Variants in AKAP14 observed in about 807,000 individuals in gnomAD.
The protein encoded by AKAP14 is A-kinase anchor protein 14.
AKAP14 carries 4 observed loss-of-function variants against 17.0 expected under a neutral mutation model. The ratio of observed to expected loss-of-function variants is 0.23; its 90% CI spans 0.12 to 0.54. AKAP14 has a LOEUF of 0.54. Ranked by LOEUF, AKAP14 falls within the 20% of genes least tolerant of loss-of-function variation. AKAP14 has a pLI of 0.95. For missense variants in AKAP14, 129 were observed against 150.9 expected, an observed-to-expected ratio of 0.85 and a Z score of 0.76; for synonymous variants, 42 against 51.3, an observed-to-expected ratio of 0.82 and a Z score of 0.77.
At chrX:119,909,772 C>T (rs1419575824) in intron 4 of AKAP14, among the ~76,000 whole-genome samples, 1 of 108,322 alleles carries the variant, frequency 9.2e-6, no homozygotes. Flanking sequence ...GTAATCCCAG[C>T]TACTCAGGAG....
rs112925332 is a variant in AKAP14, at chrX:119,898,746, G to A, written c.-11+2479G>A. On this transcript the variant is annotated intron_variant, in intron 2 of 6. Coordinates refer to ENST00000371431, the MANE Select transcript of AKAP14 (RefSeq NM_178813.6). Reference sequence around the variant, plus strand: ...CAGGAGGCAGAGGTTGCAGTGAGCCGAGATTTCGCCATTGCACTCCGGCCT... The same window carrying A: ...CAGGAGGCAGAGGTTGCAGTGAGCCAAGATTTCGCCATTGCACTCCGGCCT... 8.4e-3 allele frequency among the ~76,000 whole-genome samples: 896 copies of A among 107,226 alleles called. 11 individuals are homozygous for A. Among genetic ancestry groups the A allele is most frequent in the African/African-American group, 0.028 (828 of 29,178 alleles). The allele number at this position is 107,226 out of a possible 115,157, so 93.1% of individuals were successfully genotyped here.
chrX:119,911,286 G>A (rs1186164374), intron 4 of AKAP14, among the ~76,000 whole-genome samples: 1 of 107,498 alleles, frequency 9.3e-6, no homozygotes, highest in African/African-American at 3.4e-5. Flanking sequence ...CTTGGAAGGC[G>A]AAGGTTGCAG....
chrX:119,917,138 A>T (rs956733545), intron 5 of AKAP14, among the ~76,000 whole-genome samples: 5 of 107,961 alleles, frequency 4.6e-5, no homozygotes, highest in South Asian at 4.0e-4. Flanking sequence ...TAATAAAAAT[A>T]AAAATTAAAA....
chrX:119,916,044 CT>C (rs1328619153), intron 5 of AKAP14, among the ~76,000 whole-genome samples: 2 of 110,815 alleles, frequency 1.8e-5, no homozygotes, highest in African/African-American at 6.5e-5. Context: ...TCTTGAACTC[CT>C]GGCCTCAGGC....
intron 4 of AKAP14, among the ~76,000 whole-genome samples, chrX:119,904,994 G>C (rs1273513156): frequency 1.8e-5 from 2 of 110,732 alleles, no homozygotes; most frequent in Non-Finnish European, 3.8e-5. Context: ...CGAGGCTGCA[G>C]TAAGCTGTGA....
At chrX:119,912,315 G>A in intron 4 of AKAP14, among the ~76,000 whole-genome samples, 1 of 111,144 alleles carries the variant, frequency 9.0e-6, no homozygotes, top group East Asian at 2.8e-4. Flanking sequence ...TGTGGGTGGG[G>A]GATTGGAGAA....
Position 119,903,200 on chromosome X carries a change from C to T in AKAP14, c.-10-14C>T, listed in dbSNP as rs751083885. On this transcript the variant is annotated splice_polypyrimidine_tract_variant and intron_variant, in intron 2 of 6. Coordinates refer to ENST00000371431, the MANE Select transcript of AKAP14 (RefSeq NM_178813.6). ...TACACACACAGGCACACAGTAACTTCTTTTTTTCCCCAGGAAAAAGAAAAT... is the reference window on the plus strand; with the variant it reads ...TACACACACAGGCACACAGTAACTTTTTTTTTTCCCCAGGAAAAAGAAAAT... 5.8e-6 allele frequency: 7 copies of T among 1,200,815 alleles called. No individual in the cohort carries two copies. The highest frequency in any genetic ancestry group is 2.2e-5 in the Admixed American group (1 of 44,912).
At chrX:119,919,594 C>G (rs1388839192) in intron 5 of AKAP14, among the ~76,000 whole-genome samples, 2 of 112,073 alleles carry the variant, frequency 1.8e-5, no homozygotes, top group Non-Finnish European at 3.8e-5. Context: ...GCCTGTAATC[C>G]CAGCACTTTG....
At chrX:119,906,997 C>T (rs1223348135) in intron 4 of AKAP14, among the ~76,000 whole-genome samples, 2 of 112,329 alleles carry the variant, frequency 1.8e-5, no homozygotes, top group Non-Finnish European at 3.8e-5. Flanking sequence ...TGCATTATCT[C>T]GTTTAATCCT....
At chrX:119,907,459 T>G (rs2056604129) in intron 4 of AKAP14, among the ~76,000 whole-genome samples, 1 of 107,954 alleles carries the variant, frequency 9.3e-6, no homozygotes, top group Admixed American at 1.0e-4. Context: ...AAATATTTAT[T>G]TATTTATTTA....
Position 119,909,804 on chromosome X carries a change from G to C in AKAP14, c.262-4895G>C, listed in dbSNP as rs141432698. On this transcript the variant is annotated intron_variant, in intron 4 of 6. Coordinates refer to ENST00000371431, the MANE Select transcript of AKAP14 (RefSeq NM_178813.6). ...GGAGGCTGAGGAAGGAGAATCGCTTGAACCCAGGAGGCGGAGGTTGCAGTG... is the reference window on the plus strand; with the variant it reads ...GGAGGCTGAGGAAGGAGAATCGCTTCAACCCAGGAGGCGGAGGTTGCAGTG... Among the ~76,000 whole-genome samples, 537 of 108,394 alleles carry C rather than the reference G, an allele frequency of 5.0e-3. 4 individuals carry two copies. Among genetic ancestry groups the C allele is most frequent in the African/African-American group, 0.017 (504 of 29,744 alleles). 94.1% of individuals were successfully genotyped at this position (108,394 alleles called of 115,157 possible). A position where few individuals can be genotyped will look rare whatever the true frequency, so the allele number is the denominator to read the frequency against.
At chrX:119,912,868 T>C (rs1348717440) in intron 4 of AKAP14, among the ~76,000 whole-genome samples, 1 of 111,403 alleles carries the variant, frequency 9.0e-6, no homozygotes, top group Non-Finnish European at 1.9e-5. Flanking sequence ...GTTGGCCCTA[T>C]GTATTAGAAT....
intron 4 of AKAP14, among the ~76,000 whole-genome samples, chrX:119,909,884 CAA>C (rs34011091): frequency 0.081 from 7,129 of 87,661 alleles, 273 homozygotes; most frequent in African/African-American, 0.16. Context: ...GACTCCGTCT[CAA>C]AAAAAAAAAA....
chrX:119,910,030 A>G (rs1170465178), intron 4 of AKAP14, among the ~76,000 whole-genome samples: 1 of 110,862 alleles, frequency 9.0e-6, no homozygotes, highest in Non-Finnish European at 1.9e-5. Flanking sequence ...GTGGTGGTGC[A>G]TGCCTGTATG....
At position 119,915,039 on chromosome X, in the gene AKAP14, G is replaced by A. The variant is rs768318382; in HGVS notation, c.441+161G>A. ...CACTTGCCAAAACTGATCACTCCCC[G>A]CTCCATGAAACTTTCCATTTGGCTT... is the stretch of plus-strand genomic sequence containing the variant. On this transcript the variant is annotated intron_variant, in intron 5 of 6. Transcript: ENST00000371431. 3.6e-5 allele frequency among the ~76,000 whole-genome samples: 4 copies of A among 111,672 alleles called. No homozygotes were observed. The South Asian group carries it at 1.1e-3, about 31-fold the overall frequency.
chrX:119,907,929 A>G (rs2056606926), intron 4 of AKAP14, among the ~76,000 whole-genome samples: 1 of 112,629 alleles, frequency 8.9e-6, no homozygotes, highest in South Asian at 3.6e-4. Context: ...TCATTTAAAA[A>G]TACAAATTCA....
At chrX:119,906,632 C>G (rs2056599894) in intron 4 of AKAP14, among the ~76,000 whole-genome samples, 1 of 109,731 alleles carries the variant, frequency 9.1e-6, no homozygotes, top group African/African-American at 3.3e-5. Flanking sequence ...CTCCTGGGTT[C>G]AAGTGATTCT....
chrX:119,915,983 T>C (rs2056654603), intron 5 of AKAP14, among the ~76,000 whole-genome samples: 1 of 110,047 alleles, frequency 9.1e-6, no homozygotes, highest in South Asian at 3.9e-4. Flanking sequence ...CAAATTTTTC[T>C]TTTTCTTTTT....
At chrX:119,917,430 A>G (rs2147839049) in intron 5 of AKAP14, among the ~76,000 whole-genome samples, 1 of 111,561 alleles carries the variant, frequency 9.0e-6, no homozygotes, top group African/African-American at 3.3e-5. Context: ...CCTGACCAAC[A>G]CCCTGTCACT....
Sources: gnomAD v4.1 joint callset for allele counts (sites outside exome capture counted in the v4.1 genomes callset) on GRCh38, gnomAD v4.1.1 for gene constraint, MANE v1.5 for transcripts, NCBI Gene and HGNC (gene_info 2026-07-23, HGNC 2026-07-21) for gene names.